TUBGCP2: variants seen among roughly 807,000 people sequenced by gnomAD.
TUBGCP2 encodes tubulin gamma complex component 2.
Under a neutral mutation model 92.2 loss-of-function variants are expected in TUBGCP2, and 55 were observed. The ratio of observed to expected loss-of-function variants is 0.60; its 90% confidence interval spans 0.48 to 0.75. TUBGCP2 has a LOEUF of 0.75. Ranked by LOEUF, TUBGCP2 falls within the 30% of genes least tolerant of loss-of-function variation. The pLI is 0.00. For synonymous variants in TUBGCP2, 533 were observed against 505.2 expected (o/e 1.06, Z -0.74); for missense variants, 1,093 against 1,188.9 (o/e 0.92, Z 1.19).
chr10:133,294,931 C>T (rs1164843942), intron 5 of TUBGCP2, among the ~76,000 whole-genome samples: 2 of 152,356 alleles, frequency 1.3e-5, no homozygotes, highest in South Asian at 2.1e-4. Context: ...TCTACCATCC[C>T]TAAAGGAGTG....
chr10:133,305,190 CT>C (rs2136142392), intron 1 of TUBGCP2, among the ~76,000 whole-genome samples: 1 of 152,346 alleles, frequency 6.6e-6, no homozygotes, highest in East Asian at 1.9e-4. Context: ...TCCCGTACAC[CT>C]GGCTCCGCCC....
chr10:133,297,478 C>T (rs985870947), intron 5 of TUBGCP2: 19 of 434,398 alleles, frequency 4.4e-5, no homozygotes, highest in Admixed American at 3.3e-4. Context: ...CCAATAACAA[C>T]GTCTTGAAAT....
chr10:133,298,241 A>C (rs577388251), intron 4 of TUBGCP2, 130 bp from the exon 5 acceptor site: 3 of 1,015,018 alleles, frequency 3.0e-6, no homozygotes, highest in South Asian at 3.3e-5. Context: ...CAAAGGGTCA[A>C]CCACATAGAA....
chr10:133,302,630 T>A (rs556238752), intron 2 of TUBGCP2, 162 bp downstream of exon 2: 1 of 844,870 alleles, frequency 1.2e-6, no homozygotes, highest in African/African-American at 1.8e-5. Context: ...AGGGGTGGGC[T>A]CACCCTGCAC....
At chr10:133,294,936 G>A (rs943558951) in intron 5 of TUBGCP2, among the ~76,000 whole-genome samples, 1 of 152,200 alleles carries the variant, frequency 6.6e-6, no homozygotes, top group Admixed American at 6.5e-5. Flanking sequence ...CATCCCTAAA[G>A]GAGTGGGTGT....
chr10:133,291,283 G>C (rs1847290448), intron 8 of TUBGCP2, among the ~76,000 whole-genome samples: 1 of 77,054 alleles, frequency 1.3e-5, no homozygotes, highest in Non-Finnish European at 2.1e-5. Context: ...GTCCCTCCGT[G>C]TCCCTGTGTC....
At chr10:133,295,585 A>G (rs899705624) in intron 5 of TUBGCP2, 2 of 152,366 alleles carry the variant, frequency 1.3e-5, no homozygotes, top group African/African-American at 4.8e-5. Flanking sequence ...GGTGTGGGGA[A>G]AAGGCAGGAC....
At chr10:133,306,458 A>G (rs1041858509) in intron 1 of TUBGCP2, among the ~76,000 whole-genome samples, 1 of 152,188 alleles carries the variant, frequency 6.6e-6, no homozygotes, top group Non-Finnish European at 1.5e-5. Context: ...TCAGGAGAGA[A>G]AGCTACCTAT....
At chr10:133,292,930 T>C (rs527377653) in intron 7 of TUBGCP2, 109 bp downstream of exon 7, 3 of 1,318,248 alleles carry the variant, frequency 2.3e-6, no homozygotes, top group Admixed American at 4.4e-5. Context: ...CACACGCCCC[T>C]GCCCTGGGCA....
At chr10:133,294,846 T>C (rs1297990353) in intron 5 of TUBGCP2, among the ~76,000 whole-genome samples, 1 of 152,150 alleles carries the variant, frequency 6.6e-6, no homozygotes, top group African/African-American at 2.4e-5. Flanking sequence ...TCTACACTTT[T>C]CAACTTCAAA....
intron 14 of TUBGCP2, 57 bp from the exon 15 acceptor site, chr10:133,283,278 G>C: frequency 1.9e-6 from 3 of 1,609,860 alleles, no homozygotes; most frequent in Non-Finnish European, 8.5e-7. Flanking sequence ...GACGGGCCCT[G>C]CATGCGCACG....
In TUBGCP2 at chr10:133,284,624, G is replaced by C. The variant is rs544952002; in HGVS notation, c.2024+461C>G. On this transcript the variant is annotated intron_variant, in intron 13 of 17. Transcript: ENST00000252936. Reference sequence around the variant, plus strand: ...AATCCTCCCTCCTCAGCTTCCCAAAGTGCTGAGATTACAGGCATGAGCCAC... The same window carrying C: ...AATCCTCCCTCCTCAGCTTCCCAAACTGCTGAGATTACAGGCATGAGCCAC... Among the ~76,000 whole-genome samples the C allele has an allele frequency of 1.1e-3, 163 of 152,278 alleles. 5 individuals are homozygous for C. Among genetic ancestry groups the C allele is most frequent in the Admixed American group, 7.2e-4 (11 of 15,302 alleles).
At chr10:133,290,629 C>G (rs1044193755) in intron 8 of TUBGCP2, 1 of 152,162 alleles carries the variant, frequency 6.6e-6, no homozygotes, top group Non-Finnish European at 1.5e-5. Flanking sequence ...TTTATCTGCA[C>G]CCACCTCTTT....
In TUBGCP2 at chr10:133,296,686, A is replaced by G. The variant is rs370924215; in HGVS notation, c.616+1266T>C. The stretch of plus-strand genomic sequence containing the variant: ...AGAGACTAGTCTCGTCCTGTCGCCC[A>G]GGCTGGTCTCGAATTCCTGGGCTCA... On this transcript the variant is annotated intron_variant, in intron 5 of 17. Coordinates refer to ENST00000252936, the MANE Select transcript of TUBGCP2 (RefSeq NM_006659.4). Among the ~76,000 whole-genome samples the G allele has an allele frequency of 2.6e-5, 4 of 152,136 alleles. No individual in the cohort carries two copies. In the East Asian group the frequency reaches 7.7e-4, roughly 29 times the overall value.
In TUBGCP2 at chr10:133,293,707, C is replaced by T. The variant is rs368477694; in HGVS notation, c.679G>A (p.Gly227Ser). 8 of 1,605,574 alleles carry T rather than the reference C, an allele frequency of 5.0e-6. No individual in the cohort carries two copies. In the African/African-American group the frequency reaches 8.0e-5, roughly 16 times the overall value. ...GCACTGACGTACCTCCCGTCCACGC[C>T]CACCAGCACGTACAGCAGGTCCTCC... ...VVEDLLYVLV[G>S]VDGRYVSAQP... The change falls in exon 6 of 18, where the codon GGC becomes AGC. Residue 227 changes from glycine (G) to serine (S), a missense_variant. Transcript: ENST00000252936.
intron 2 of TUBGCP2, among the ~76,000 whole-genome samples, chr10:133,300,726 C>T (rs913220416): frequency 5.7e-4 from 81 of 143,058 alleles, no homozygotes; most frequent in African/African-American, 2.2e-3. Flanking sequence ...ATCCACCTGC[C>T]TCGTCCCAAA....
Position 133,279,613 on chromosome 10 carries a change from G to C in TUBGCP2, c.*153C>G. 8.2e-7 allele frequency: 1 copy of C among 1,222,160 alleles called. No homozygotes were observed. 75.7% of individuals were successfully genotyped at this position (1,222,160 alleles called of 1,614,324 possible). A position where few individuals can be genotyped will look rare whatever the true frequency, so the allele number is the denominator to read the frequency against. On this transcript the variant is annotated 3_prime_UTR_variant, in exon 18 of 18. Coordinates refer to ENST00000252936, the MANE Select transcript of TUBGCP2 (RefSeq NM_006659.4). Reference sequence around the variant, plus strand: ...GGCAGCTTCTATAAAACGAAACCCAGCGCCTTGAGAAACAAAGTGAGCTGA... The same window carrying C: ...GGCAGCTTCTATAAAACGAAACCCACCGCCTTGAGAAACAAAGTGAGCTGA...
At chr10:133,301,163 T>TAGA in intron 2 of TUBGCP2, among the ~76,000 whole-genome samples, 1 of 152,188 alleles carries the variant, frequency 6.6e-6, no homozygotes, top group East Asian at 1.9e-4. Context: ...AGTTTCGCTC[T>TAGA]TGTTGCCCAG....
chr10:133,302,419 T>G (rs1018007574), intron 2 of TUBGCP2: 1 of 279,862 alleles, frequency 3.6e-6, no homozygotes, highest in Non-Finnish European at 7.0e-6. Flanking sequence ...GAGGTGGCGC[T>G]CACCCTGCAC....
Sources: gnomAD v4.1 joint callset for allele counts (sites outside exome capture counted in the v4.1 genomes callset) on GRCh38, gnomAD v4.1.1 for gene constraint, MANE v1.5 for transcripts, NCBI Gene and HGNC (gene_info 2026-07-23, HGNC 2026-07-21) for gene names.